The following MGAT4C variants were observed in gnomAD, a reference collection of about 807,000 sequenced individuals.
The protein encoded by MGAT4C is MGAT4 family member C.
In MGAT4C, 19 loss-of-function variants were observed where a neutral mutation model predicts 40.1. The ratio of observed to expected loss-of-function variants is 0.47; its 90% CI spans 0.33 to 0.70. MGAT4C has a LOEUF of 0.70. Ranked by LOEUF, MGAT4C falls within the 30% of genes least tolerant of loss-of-function variation. The pLI, the probability that MGAT4C is intolerant of heterozygous loss-of-function variation, is 0.02. For synonymous variants in MGAT4C, 181 were observed against 187.1 expected (o/e 0.97, Z 0.27); for missense variants, 491 against 563.2 (o/e 0.87, Z 1.30).
At chr12:86,230,295 T>C (rs1951260520) in intron 1 of MGAT4C, among the ~76,000 whole-genome samples, 1 of 152,068 alleles carries the variant, frequency 6.6e-6, no homozygotes, top group Non-Finnish European at 1.5e-5. Flanking sequence ...CACTGTTTAA[T>C]GTTTTAGAAT....
rs71076198 is a variant in MGAT4C at position 86,408,479 on chromosome 12, CTATATATA to C, written c.-120+26670_-120+26677del. ...TCTCTCTCTCTCTCTCTCTCTCTCT[CTATATATA>C]TATATATATATATATATATATATAT... On this transcript the variant is annotated intron_variant, in intron 3 of 7. Transcript: ENST00000548651. 9.5e-3 allele frequency among the ~76,000 whole-genome samples: 599 copies of C among 63,294 alleles called. 13 individuals are homozygous for C. Among genetic ancestry groups the C allele is most frequent in the South Asian group, 0.037 (64 of 1,726 alleles). The allele number at this position is 63,294 out of a possible 152,430, so 41.5% of individuals were successfully genotyped here. A position where few individuals can be genotyped will look rare whatever the true frequency, so the allele number is the denominator to read the frequency against.
chr12:86,803,282 T>G (rs1952270017), intron 1 of MGAT4C, among the ~76,000 whole-genome samples: 1 of 151,088 alleles, frequency 6.6e-6, no homozygotes, highest in Non-Finnish European at 1.5e-5. Flanking sequence ...GATTAAAGAT[T>G]TAAACGTTAG....
chr12:86,630,599 T>C (rs779269953), intron 2 of MGAT4C, among the ~76,000 whole-genome samples: 40 of 152,162 alleles, frequency 2.6e-4, no homozygotes, highest in African/African-American at 9.6e-4. Context: ...TGGTTCAACA[T>C]ATGCAAATCA....
chr12:85,999,583 G>GTGTATATATATATATATATATA (rs1226916126), intron 2 of MGAT4C, among the ~76,000 whole-genome samples: 10 of 122,974 alleles, frequency 8.1e-5, no homozygotes, highest in African/African-American at 2.9e-4. Context: ...GTGTGTGTGT[G>GTGTATATATATATATATATATA]TATATATATA....
At chr12:86,288,745 C>T (rs999639923) in intron 4 of MGAT4C, among the ~76,000 whole-genome samples, 2 of 151,976 alleles carry the variant, frequency 1.3e-5, no homozygotes, top group African/African-American at 4.8e-5. Context: ...GTTCTTTGCC[C>T]TCTTTTTAAT....
intron 3 of MGAT4C, among the ~76,000 whole-genome samples, chr12:86,427,867 A>G (rs1592834815): frequency 6.6e-6 from 1 of 152,190 alleles, no homozygotes; most frequent in South Asian, 2.1e-4. Flanking sequence ...AAAAATACAC[A>G]AAATTAGCTC....
At position 86,378,014 on chromosome 12, in the gene MGAT4C, A is replaced by G. The variant is rs145899869; in HGVS notation, c.-119-43887T>C. Among the ~76,000 whole-genome samples, 141 of 152,230 alleles carry G rather than the reference A, an allele frequency of 9.3e-4. 1 individual carries two copies. The highest frequency in any genetic ancestry group is 3.1e-3 in the African/African-American group (127 of 41,540). ...CATTGCATAATCTCATCAATATTCAACCATGTGGTATTATGTGTCAGAATT... is the reference window on the plus strand; with the variant it reads ...CATTGCATAATCTCATCAATATTCAGCCATGTGGTATTATGTGTCAGAATT... On this transcript the variant is annotated intron_variant, in intron 3 of 7. Coordinates refer to the MGAT4C transcript ENST00000548651.
chr12:86,415,141 G>T (rs1360879150), intron 3 of MGAT4C, among the ~76,000 whole-genome samples: 1 of 151,982 alleles, frequency 6.6e-6, no homozygotes, highest in Non-Finnish European at 1.5e-5. Flanking sequence ...GGGACCTCAA[G>T]TCTCTCCTGG....
chr12:86,674,726 G>C (rs972907459), intron 2 of MGAT4C, among the ~76,000 whole-genome samples: 2 of 151,940 alleles, frequency 1.3e-5, no homozygotes, highest in Non-Finnish European at 2.9e-5. Flanking sequence ...TAATTTTAAA[G>C]CTAAATATAA....
rs562509469 is a variant in MGAT4C, at chr12:86,576,875, T to G, written c.-228-141610A>C. 7.2e-5 allele frequency among the ~76,000 whole-genome samples: 11 copies of G among 152,016 alleles called. No homozygotes were observed. In the South Asian group the frequency reaches 2.3e-3, roughly 31 times the overall value. On this transcript the variant is annotated intron_variant, in intron 2 of 7. Transcript: ENST00000548651. ...TCTATAAAGAATATCATTGGTATTT[T>G]CATAGGGATTGCATTGAATCTGTAG...
intron 2 of MGAT4C, among the ~76,000 whole-genome samples, chr12:86,518,530 A>G (rs1403688546): frequency 6.6e-6 from 1 of 152,210 alleles, no homozygotes; most frequent in Non-Finnish European, 1.5e-5. Context: ...ATAAAATTCA[A>G]TAGCAAATAT....
At chr12:86,302,628 C>T (rs1316913803) in intron 4 of MGAT4C, among the ~76,000 whole-genome samples, 1 of 150,528 alleles carries the variant, frequency 6.6e-6, no homozygotes, top group Non-Finnish European at 1.5e-5. Flanking sequence ...AGGGTTTCAC[C>T]ATGTTGCCCA....
At chr12:86,345,754 T>C (rs1176012964) in intron 3 of MGAT4C, among the ~76,000 whole-genome samples, 1 of 152,212 alleles carries the variant, frequency 6.6e-6, no homozygotes, top group African/African-American at 2.4e-5. Flanking sequence ...TTTATAATCC[T>C]TTGGGTATAT....
intron 1 of MGAT4C, among the ~76,000 whole-genome samples, chr12:86,173,921 T>C (rs1887117395): frequency 6.6e-6 from 1 of 152,106 alleles, no homozygotes; most frequent in Admixed American, 6.6e-5. Context: ...CCAAGCTTGC[T>C]TGTCCTGTGA....
At chr12:86,736,064 A>C (rs1009647596) in intron 1 of MGAT4C, among the ~76,000 whole-genome samples, 2 of 151,810 alleles carry the variant, frequency 1.3e-5, no homozygotes, top group African/African-American at 2.4e-5. Context: ...TTCTTTGATA[A>C]TCTTAGTTCT....
chr12:86,517,081 T>C (rs1051721750), intron 2 of MGAT4C, among the ~76,000 whole-genome samples: 2 of 152,164 alleles, frequency 1.3e-5, no homozygotes, highest in African/African-American at 2.4e-5. Flanking sequence ...CCCTCATACA[T>C]TGCAAGCAGG....
At chr12:86,820,647 G>T (rs545711426) in intron 1 of MGAT4C, among the ~76,000 whole-genome samples, 20 of 150,718 alleles carry the variant, frequency 1.3e-4, no homozygotes, top group African/African-American at 4.1e-4. Flanking sequence ...ACTTTTTAAA[G>T]AATTTAATAA....
At chr12:86,514,527 T>G (rs1015830419) in intron 2 of MGAT4C, among the ~76,000 whole-genome samples, 1 of 152,160 alleles carries the variant, frequency 6.6e-6, no homozygotes, top group Non-Finnish European at 1.5e-5. Flanking sequence ...CTGCATTACT[T>G]CACTCAGTGC....
intron 2 of MGAT4C, among the ~76,000 whole-genome samples, chr12:86,534,405 TATTG>T (rs1006985989): frequency 1.3e-5 from 2 of 152,146 alleles, no homozygotes; most frequent in African/African-American, 4.8e-5. Flanking sequence ...ACCTTACATG[TATTG>T]ATTGATGTCT....
Sources: allele counts gnomAD v4.1 joint callset (sites outside exome capture counted in the v4.1 genomes callset), GRCh38; gene constraint gnomAD v4.1.1; transcripts MANE v1.5; gene names NCBI Gene and HGNC (gene_info 2026-07-23, HGNC 2026-07-21).